INTS6: variants seen among roughly 807,000 people sequenced by gnomAD.
INTS6 encodes the protein integrator complex subunit 6.
In INTS6, 16 loss-of-function variants were observed where a neutral mutation model predicts 104.9. The ratio of observed to expected loss-of-function variants is 0.15; its 90% CI spans 0.10 to 0.23. INTS6 has a LOEUF of 0.23. Ranked by LOEUF, INTS6 falls within the 10% of genes least tolerant of loss-of-function variation. The pLI is 1.00. For missense variants in INTS6, 584 were observed against 1,062.8 expected (o/e 0.55, Z 6.26); for synonymous variants, 324 against 358.7 (o/e 0.90, Z 1.09).
chr13:51,392,107 C>T (rs1434345589), intron 5 of INTS6, among the ~76,000 whole-genome samples: 1 of 152,210 alleles, frequency 6.6e-6, no homozygotes, highest in Non-Finnish European at 1.5e-5. Flanking sequence ...GAACAAAGTA[C>T]TACTACTAGT....
intron 3 of INTS6, chr13:51,444,269 T>TC (rs1952858207): frequency 7.0e-6 from 1 of 143,130 alleles, no homozygotes; most frequent in South Asian, 2.3e-4. Flanking sequence ...TTTTTTTTTT[T>TC]TTTTTTTTTT....
At chr13:51,388,826 A>C (rs1956192550) in intron 6 of INTS6, among the ~76,000 whole-genome samples, 1 of 152,210 alleles carries the variant, frequency 6.6e-6, no homozygotes, top group South Asian at 2.1e-4. Flanking sequence ...GCCAAGAAAA[A>C]GCCAGGTGGG....
chr13:51,404,507 C>T (rs138895021), intron 4 of INTS6, among the ~76,000 whole-genome samples: 1,615 of 152,132 alleles, frequency 0.011, 25 homozygotes, highest in African/African-American at 0.035. Context: ...CAAAGCCTAC[C>T]TGACACCTTG....
Position 51,361,942 on chromosome 13 carries a change from C to G in INTS6, c.*3810G>C. On this transcript the variant is annotated 3_prime_UTR_variant, in exon 18 of 18. Transcript: ENST00000311234. ...ATTCAGATAATTTATCAGTGTCTCT[C>G]TAGCAACAAGGGCTCATTTGTCCAC... is the stretch of plus-strand genomic sequence containing the variant. The G allele has an allele frequency of 6.2e-7, 1 of 1,611,872 alleles. No individual in the cohort carries two copies. Among genetic ancestry groups the G allele is most frequent in the South Asian group, 1.1e-5 (1 of 90,964 alleles).
downstream of INTS6, among the ~76,000 whole-genome samples, chr13:51,353,402 C>A (rs12853862): frequency 0.19 from 29,014 of 152,014 alleles, 2,930 homozygotes; most frequent in East Asian, 0.27. Flanking sequence ...CTTTACAACC[C>A]TACAAACACG....
At chr13:51,412,767 C>T (rs1956710961) in intron 4 of INTS6, among the ~76,000 whole-genome samples, 1 of 152,182 alleles carries the variant, frequency 6.6e-6, no homozygotes, top group African/African-American at 2.4e-5. Flanking sequence ...CACATTGTGG[C>T]TCAGAATCTG....
intron 7 of INTS6, chr13:51,384,957 GATCAT>G (rs1956113722): frequency 4.1e-6 from 1 of 245,182 alleles, no homozygotes; most frequent in African/African-American, 2.3e-5. Context: ...ATATAAATAG[GATCAT>G]ATAATTTCCC....
chr13:51,382,434 A>G (rs1051273638), intron 9 of INTS6, among the ~76,000 whole-genome samples: 3 of 152,232 alleles, frequency 2.0e-5, no homozygotes, highest in African/African-American at 4.8e-5. Context: ...AATGTTTTCT[A>G]TAAAATATAC....
At chr13:51,396,950 T>C (rs1166965556) in intron 4 of INTS6, among the ~76,000 whole-genome samples, 1 of 152,202 alleles carries the variant, frequency 6.6e-6, no homozygotes. Flanking sequence ...TTTAAGTATA[T>C]GGTGCTTAGG....
At chr13:51,371,808 G>A (rs117811957) in intron 15 of INTS6, among the ~76,000 whole-genome samples, 2,736 of 151,968 alleles carry the variant, frequency 0.018, 33 homozygotes, top group Non-Finnish European at 0.026. Context: ...CACAGAGCTC[G>A]GAAGAAAAGC....
At chr13:51,413,193 A>G (rs1956721563) in intron 4 of INTS6, among the ~76,000 whole-genome samples, 1 of 152,182 alleles carries the variant, frequency 6.6e-6, no homozygotes, top group Admixed American at 6.5e-5. Flanking sequence ...AAATACTATA[A>G]GAAAAAAGTT....
At chr13:51,423,195 T>G (rs374069140) in intron 4 of INTS6, 7 of 414,022 alleles carry the variant, frequency 1.7e-5, no homozygotes, top group East Asian at 9.6e-5. Flanking sequence ...GCTGAATTAA[T>G]TTAAAATATA....
chr13:51,398,268 G>C (rs370536254), intron 4 of INTS6, among the ~76,000 whole-genome samples: 6 of 152,232 alleles, frequency 3.9e-5, no homozygotes, highest in African/African-American at 1.2e-4. Context: ...AAAATCAAAG[G>C]GGGTGGGGAG....
chr13:51,340,381 T>A, the INTS6 span, among the ~76,000 whole-genome samples: 93 of 152,324 alleles, frequency 6.1e-4, no homozygotes, highest in Non-Finnish European at 9.4e-4. Context: ...ATATTCTTTT[T>A]TAGAGACTAA....
rs1955616672 is a variant in INTS6, at chr13:51,363,179, C to G, written c.*2573G>C. ...AGATTCTGATTTTGGAATTCAAGTG[C>G]ATAAAAATGATGTAAAATCCTTAAA... On this transcript the variant is annotated 3_prime_UTR_variant, in exon 18 of 18. Coordinates refer to ENST00000311234, the MANE Select transcript of INTS6 (RefSeq NM_012141.3). The G allele has an allele frequency of 6.6e-6, 1 of 151,894 alleles. No homozygotes were observed. Among genetic ancestry groups the G allele is most frequent in the South Asian group, 2.1e-4 (1 of 4,828 alleles). 9.4% of individuals were successfully genotyped at this position (151,894 alleles called of 1,614,324 possible).
intron 4 of INTS6, among the ~76,000 whole-genome samples, chr13:51,408,198 C>T (rs1473701117): frequency 1.4e-5 from 2 of 147,998 alleles, no homozygotes; most frequent in African/African-American, 5.0e-5. Flanking sequence ...GGCTGGAGTG[C>T]AGTGGTGCAA....
intron 4 of INTS6, among the ~76,000 whole-genome samples, chr13:51,414,053 A>G (rs1246384598): frequency 1.3e-5 from 2 of 152,148 alleles, no homozygotes; most frequent in Admixed American, 6.5e-5. Context: ...TAGTTGATGG[A>G]GTCTCATTGC....
chr13:51,439,549 T>C (rs1404323162), intron 3 of INTS6: 1 of 151,410 alleles, frequency 6.6e-6, no homozygotes, highest in Non-Finnish European at 1.5e-5. Context: ...TGTCTTTTCC[T>C]ACACAAATCT....
chr13:51,354,942 C>T, intron 3 of INTS6: 1 of 651,102 alleles, frequency 1.5e-6, no homozygotes, highest in Admixed American at 2.5e-5. Flanking sequence ...CTGGTGGAGC[C>T]AGCCTGACTT....
Sources: allele counts gnomAD v4.1 joint callset (sites outside exome capture counted in the v4.1 genomes callset), GRCh38; gene constraint gnomAD v4.1.1; transcripts MANE v1.5; gene names NCBI Gene and HGNC (gene_info 2026-07-23, HGNC 2026-07-21).